The following PTPRT variants were observed in gnomAD, a reference collection of about 807,000 sequenced individuals.
PTPRT encodes the protein receptor-type tyrosine-protein phosphatase T.
In PTPRT, 56 loss-of-function variants were observed where a neutral mutation model predicts 176.8. The ratio of observed to expected loss-of-function variants is 0.32; its 90% CI spans 0.26 to 0.40. The LOEUF is 0.40. PTPRT is among the 10% of genes least tolerant of loss of function. PTPRT has a pLI of 1.00. For missense variants in PTPRT, 1,540 were observed against 1,908.2 expected (o/e 0.81, Z 3.60); for synonymous variants, 783 against 739.0 (o/e 1.06, Z -0.96).
chr20:42,982,640 C>G (rs989975640), intron 1 of PTPRT, among the ~76,000 whole-genome samples: 20 of 151,408 alleles, frequency 1.3e-4, no homozygotes, highest in Non-Finnish European at 2.5e-4. Context: ...AGGGGAGGAG[C>G]GATGGGAGAT....
downstream of PTPRT, among the ~76,000 whole-genome samples, chr20:42,072,298 A>G (rs995486598): frequency 1.3e-5 from 2 of 152,216 alleles, no homozygotes; most frequent in Non-Finnish European, 2.9e-5. Flanking sequence ...AGATTAGCTG[A>G]GCTCAGCTTA....
At chr20:42,761,778 G>C (rs73269878) in intron 5 of PTPRT, among the ~76,000 whole-genome samples, 10 of 152,342 alleles carry the variant, frequency 6.6e-5, no homozygotes, top group African/African-American at 2.4e-4. Context: ...TGCTGATGCT[G>C]CTGGTCCATG....
Position 42,780,228 on chromosome 20 carries a change from A to T in PTPRT, c.558T>A (p.Ala186=). ...YIAVDEVRVL[A]HPCRKAPHFL... is the part of the protein sequence containing the mutation. ...AAGGGAAAGACTTACTGCATGGATG[A>T]GCAAGGACCCGGACCTCGTCCACGG... is the stretch of plus-strand genomic sequence containing the variant. The change falls in exon 4 of 31, where the codon GCT becomes GCA. Residue 186 remains alanine (A), a synonymous_variant. Transcript: ENST00000373187. 2 of 1,613,692 alleles carry T rather than the reference A, an allele frequency of 1.2e-6. No individual in the cohort carries two copies. Among genetic ancestry groups the T allele is most frequent in the Non-Finnish European group, 1.7e-6 (2 of 1,179,590 alleles).
At chr20:42,108,908 C>A (rs775348481) in intron 23 of PTPRT, among the ~76,000 whole-genome samples, 5 of 152,198 alleles carry the variant, frequency 3.3e-5, no homozygotes. Flanking sequence ...CATCATGCGC[C>A]GAAGTCCTGA....
In PTPRT at chr20:42,535,534, A is replaced by G. The variant is rs149828217; in HGVS notation, c.1154-62972T>C. ...AGCCACTTAGGAGAAAAATTTGGCAAGACCTATATCTAAAGCATTACTTCT... is the reference window on the plus strand; with the variant it reads ...AGCCACTTAGGAGAAAAATTTGGCAGGACCTATATCTAAAGCATTACTTCT... On this transcript the variant is annotated intron_variant, in intron 7 of 30. Coordinates refer to ENST00000373187, the MANE Select transcript of PTPRT (RefSeq NM_007050.6). Among the ~76,000 whole-genome samples, 518 of 152,326 alleles carry G rather than the reference A, an allele frequency of 3.4e-3. 3 individuals are homozygous for G. The highest frequency in any genetic ancestry group is 0.012 in the African/African-American group (496 of 41,578).
intron 6 of PTPRT, among the ~76,000 whole-genome samples, chr20:42,738,843 G>A (rs1191594901): frequency 3.3e-5 from 5 of 152,084 alleles, no homozygotes; most frequent in African/African-American, 7.2e-5. Flanking sequence ...AAGATGAGGT[G>A]GGCACATTGC....
At chr20:42,568,456 TGGAGCTAGGTCTCCGAA>T (rs2073087202) in intron 7 of PTPRT, among the ~76,000 whole-genome samples, 1 of 152,218 alleles carries the variant, frequency 6.6e-6, no homozygotes, top group Non-Finnish European at 1.5e-5. Context: ...ACTTCGTAAG[TGGAGCTAGGTCTCCGAA>T]GTCCACCTAT....
chr20:42,898,335 A>G (rs1282190651), intron 1 of PTPRT, among the ~76,000 whole-genome samples: 1 of 152,124 alleles, frequency 6.6e-6, no homozygotes, highest in Non-Finnish European at 1.5e-5. Flanking sequence ...CAGCCTCCCA[A>G]GTAGCTAGGA....
At chr20:42,613,059 C>T (rs1600471520) in intron 7 of PTPRT, among the ~76,000 whole-genome samples, 1 of 152,276 alleles carries the variant, frequency 6.6e-6, no homozygotes, top group East Asian at 1.9e-4. Context: ...TTTTTATTTT[C>T]ATGTATTTTC....
At chr20:42,725,546 T>C (rs11908072) in intron 6 of PTPRT, among the ~76,000 whole-genome samples, 497 of 152,180 alleles carry the variant, frequency 3.3e-3, no homozygotes, top group African/African-American at 0.011. Context: ...CCAGTCTTGT[T>C]TGTGCATGCA....
intron 1 of PTPRT, among the ~76,000 whole-genome samples, chr20:43,032,005 C>T (rs1986157555): frequency 6.6e-6 from 1 of 152,122 alleles, no homozygotes. Context: ...CAATAGGTGA[C>T]CTGAGATTTG....
intron 2 of PTPRT, among the ~76,000 whole-genome samples, chr20:42,835,517 A>G (rs1274257973): frequency 1.3e-5 from 2 of 152,164 alleles, no homozygotes; most frequent in African/African-American, 4.8e-5. Context: ...GGGAAACAGC[A>G]GCAAAAGGAG....
chr20:42,214,232 A>C (rs1197683424), intron 15 of PTPRT, among the ~76,000 whole-genome samples: 1 of 152,164 alleles, frequency 6.6e-6, no homozygotes, highest in Non-Finnish European at 1.5e-5. Context: ...AAAAGCCATC[A>C]CATATCTCCC....
intron 6 of PTPRT, among the ~76,000 whole-genome samples, chr20:42,730,194 T>G (rs112794010): frequency 3.3e-5 from 5 of 152,340 alleles, no homozygotes; most frequent in African/African-American, 9.6e-5. Context: ...CTGGTCTGAC[T>G]GACCTGGAGC....
chr20:42,443,806 A>G (rs918790565), intron 9 of PTPRT, among the ~76,000 whole-genome samples: 5 of 152,214 alleles, frequency 3.3e-5, no homozygotes, highest in African/African-American at 1.2e-4. Context: ...TAGCAGCAGT[A>G]AAGAGGCAGC....
chr20:42,828,039 G>A (rs2145681325), intron 2 of PTPRT, among the ~76,000 whole-genome samples: 1 of 152,296 alleles, frequency 6.6e-6, no homozygotes, highest in African/African-American at 2.4e-5. Context: ...TTTGGAACTG[G>A]GTAACAGGCA....
At chr20:42,146,418 C>T (rs1988869033) in intron 17 of PTPRT, among the ~76,000 whole-genome samples, 1 of 152,134 alleles carries the variant, frequency 6.6e-6, no homozygotes. Context: ...GAGTACTTGC[C>T]ATGTGCCAGG....
chr20:42,371,207 A>G (rs1405194060), intron 9 of PTPRT, among the ~76,000 whole-genome samples: 7 of 152,236 alleles, frequency 4.6e-5, no homozygotes. Context: ...AAACCTGACC[A>G]TGGGGCCAGG....
At chr20:42,785,719 C>T (rs1158123953) in intron 3 of PTPRT, among the ~76,000 whole-genome samples, 1 of 152,208 alleles carries the variant, frequency 6.6e-6, no homozygotes, top group Non-Finnish European at 1.5e-5. Flanking sequence ...GATGAGGCTA[C>T]TTATCCAAGG....
Sources: gnomAD v4.1 joint callset for allele counts (sites outside exome capture counted in the v4.1 genomes callset) on GRCh38, gnomAD v4.1.1 for gene constraint, MANE v1.5 for transcripts, NCBI Gene and HGNC (gene_info 2026-07-23, HGNC 2026-07-21) for gene names.